The following TENM2 variants were observed in gnomAD, a reference collection of about 807,000 sequenced individuals.
The protein encoded by TENM2 is teneurin-2.
Under a neutral mutation model 245.2 loss-of-function variants are expected in TENM2, and 52 were observed. The ratio of observed to expected loss-of-function variants is 0.21; its 90% CI spans 0.17 to 0.27. The LOEUF is 0.27. TENM2 is among the 10% of genes least tolerant of loss of function. TENM2 has a pLI of 1.00. For synonymous variants in TENM2, 1,363 were observed against 1,438.9 expected (o/e 0.95, Z 1.19); for missense variants, 3,046 against 3,666.8 (o/e 0.83, Z 4.37).
chr5:167,790,700 G>A (rs552364203), intron 2 of TENM2, among the ~76,000 whole-genome samples: 1 of 152,280 alleles, frequency 6.6e-6, no homozygotes, highest in East Asian at 1.9e-4. Context: ...ACAGAGACAT[G>A]ACGTTGTGGA....
At chr5:168,077,342 G>C (rs934799334) in intron 7 of TENM2, among the ~76,000 whole-genome samples, 1 of 152,004 alleles carries the variant, frequency 6.6e-6, no homozygotes, top group Non-Finnish European at 1.5e-5. Context: ...ATGCAATAAA[G>C]ATCTTTAGTG....
chr5:167,251,338 C>A, the TENM2 span, among the ~76,000 whole-genome samples: 5 of 152,090 alleles, frequency 3.3e-5, no homozygotes, highest in Admixed American at 3.3e-4. Context: ...AAAACAACAC[C>A]CTTCCATAGG....
intron 3 of TENM2, among the ~76,000 whole-genome samples, chr5:167,892,263 A>G (rs764922940): frequency 6.6e-6 from 1 of 152,242 alleles, no homozygotes; most frequent in East Asian, 1.9e-4. Flanking sequence ...ATAGGTTCTT[A>G]TAAGTCAAAT....
the TENM2 span, among the ~76,000 whole-genome samples, chr5:167,081,185 A>G: frequency 6.6e-6 from 1 of 151,962 alleles, no homozygotes; most frequent in Non-Finnish European, 1.5e-5. Context: ...GACAGCCAAC[A>G]TAAAGGGGAA....
At chr5:167,505,319 A>G (rs1423091382) in intron 2 of TENM2, among the ~76,000 whole-genome samples, 1 of 152,208 alleles carries the variant, frequency 6.6e-6, no homozygotes, top group African/African-American at 2.4e-5. Context: ...AAACATGTTT[A>G]TAATATTCAT....
At chr5:167,145,049 C>A in the TENM2 span, among the ~76,000 whole-genome samples, 1 of 152,224 alleles carries the variant, frequency 6.6e-6, no homozygotes, top group East Asian at 1.9e-4. Context: ...GCTTTTGCCA[C>A]ATCACCTTCC....
chr5:167,405,232 A>AT (rs902309101), intron 2 of TENM2, among the ~76,000 whole-genome samples: 4 of 151,022 alleles, frequency 2.6e-5, no homozygotes, highest in South Asian at 4.2e-4. Context: ...TGTTTCTTTG[A>AT]TTTTTTTTCT....
intron 2 of TENM2, among the ~76,000 whole-genome samples, chr5:167,584,859 T>A (rs1409212400): frequency 6.6e-6 from 1 of 151,756 alleles, no homozygotes; most frequent in African/African-American, 2.4e-5. Context: ...CACGCCCGGC[T>A]AATTTTTATA....
intron 2 of TENM2, among the ~76,000 whole-genome samples, chr5:167,644,424 T>G (rs190545056): frequency 6.6e-6 from 1 of 152,250 alleles, no homozygotes; most frequent in Admixed American, 6.5e-5. Flanking sequence ...CTTCCAAGGA[T>G]GGTGTGGATT....
At chr5:167,144,209 C>T in the TENM2 span, among the ~76,000 whole-genome samples, 6 of 151,822 alleles carry the variant, frequency 4.0e-5, no homozygotes, top group Non-Finnish European at 5.9e-5. Flanking sequence ...GGGAGCGGTT[C>T]GCATTTGTGT....
chr5:167,960,151 C>T lies in TENM2; in HGVS notation c.947+7329C>T, dbSNP rs115216721. ...GTCAACCCATGCTGGTAGGTGTCTC[C>T]CAGTCAGGAGGCACGGGGGTTAGGG... On this transcript the variant is annotated intron_variant, in intron 4 of 28. Coordinates refer to ENST00000518659, the Ensembl canonical transcript of TENM2. Among the ~76,000 whole-genome samples the T allele has an allele frequency of 4.2e-3, 637 of 152,314 alleles. 3 individuals are homozygous for T. Among genetic ancestry groups the T allele is most frequent in the Admixed American group, 0.01 (157 of 15,306 alleles).
intron 2 of TENM2, among the ~76,000 whole-genome samples, chr5:167,631,979 A>G (rs2127795022): frequency 6.6e-6 from 1 of 152,272 alleles, no homozygotes; most frequent in South Asian, 2.1e-4. Context: ...AGCCCCTGCC[A>G]TGATGCCTGG....
At chr5:168,148,900 T>TAGAC (rs1405448864) in intron 12 of TENM2, among the ~76,000 whole-genome samples, 4 of 135,630 alleles carry the variant, frequency 2.9e-5, no homozygotes, top group African/African-American at 5.4e-5. Flanking sequence ...GATAGATAGA[T>TAGAC]AGATAGATAG....
intron 2 of TENM2, among the ~76,000 whole-genome samples, chr5:167,605,415 C>G (rs1437156955): frequency 1.3e-5 from 2 of 152,144 alleles, no homozygotes; most frequent in Non-Finnish European, 1.5e-5. Context: ...CCTTCAGACA[C>G]ATCAGATGAA....
chr5:167,518,543 G>A (rs1450777164), intron 2 of TENM2, among the ~76,000 whole-genome samples: 1 of 152,164 alleles, frequency 6.6e-6, no homozygotes, highest in Non-Finnish European at 1.5e-5. Context: ...AATGTGCACA[G>A]GTTAACCGAT....
intron 2 of TENM2, among the ~76,000 whole-genome samples, chr5:167,555,556 T>A (rs1773214282): frequency 6.6e-6 from 1 of 152,200 alleles, no homozygotes; most frequent in Non-Finnish European, 1.5e-5. Flanking sequence ...TTTGGAGATT[T>A]GGCCTTCCAT....
chr5:167,945,185 T>C (rs1044090783), intron 3 of TENM2, among the ~76,000 whole-genome samples: 1 of 152,174 alleles, frequency 6.6e-6, no homozygotes, highest in African/African-American at 2.4e-5. Context: ...TGCTGGGATA[T>C]ACAGACAAGT....
chr5:167,869,236 C>T (rs1019284929), intron 2 of TENM2, among the ~76,000 whole-genome samples: 1 of 152,140 alleles, frequency 6.6e-6, no homozygotes, highest in African/African-American at 2.4e-5. Context: ...AAGACAATTA[C>T]GTATTACATC....
chr5:167,488,985 G>A (rs964942279), intron 2 of TENM2, among the ~76,000 whole-genome samples: 6 of 151,982 alleles, frequency 3.9e-5, no homozygotes, highest in Admixed American at 6.6e-5. Context: ...AATTCTCTCC[G>A]TTATTATGTT....
Sources: gnomAD v4.1 joint callset for allele counts (sites outside exome capture counted in the v4.1 genomes callset) on GRCh38, gnomAD v4.1.1 for gene constraint, MANE v1.5 for transcripts, NCBI Gene and HGNC (gene_info 2026-07-23, HGNC 2026-07-21) for gene names.